The following TMEM169 variants were observed in gnomAD, a reference collection of about 807,000 sequenced individuals.
TMEM169 encodes transmembrane protein 169.
A neutral mutation model predicts 27.3 loss-of-function variants in TMEM169; 18 were observed. That is an observed-to-expected ratio of 0.66 (90% CI 0.46 to 0.98). The LOEUF (loss-of-function observed/expected upper bound fraction) is 0.98, where lower values mean the gene tolerates loss of function less well. TMEM169 is among the 50% of genes least tolerant of loss of function. TMEM169 has a pLI of 0.00. For synonymous variants in TMEM169, 136 were observed against 142.1 expected, an observed-to-expected ratio of 0.96 and a Z score of 0.30; for missense variants, 320 against 368.6, an observed-to-expected ratio of 0.87 and a Z score of 1.08.
intron 1 of TMEM169, among the ~76,000 whole-genome samples, chr2:216,088,489 ATTG>A (rs1293470555): frequency 6.6e-6 from 1 of 152,200 alleles, no homozygotes. Context: ...ACAGACAAAA[ATTG>A]TTGTACCTAG....
chr2:216,088,199 C>T (rs561422740), intron 1 of TMEM169, among the ~76,000 whole-genome samples: 12 of 151,626 alleles, frequency 7.9e-5, no homozygotes, highest in African/African-American at 2.9e-4. Context: ...GTGGCTCACG[C>T]CTGTAATCCC....
chr2:216,084,308 A>G (rs1471037216), intron 1 of TMEM169, among the ~76,000 whole-genome samples: 1 of 152,180 alleles, frequency 6.6e-6, no homozygotes, highest in South Asian at 2.1e-4. Context: ...TCAGTGAAGC[A>G]TCTGGTCCTG....
rs777874573 is a variant in TMEM169, at chr2:216,100,594, T to C, written c.*52T>C. 4 of 1,608,570 alleles carry C rather than the reference T, an allele frequency of 2.5e-6. No homozygotes were observed. The highest frequency in any genetic ancestry group is 1.7e-5 in the Admixed American group (1 of 59,846). Reference sequence around the variant, plus strand: ...GGCCCCAGTAGCCTATATATCATCTTAAAATTCCAGCAGATTATTTCTTTA... The same window carrying C: ...GGCCCCAGTAGCCTATATATCATCTCAAAATTCCAGCAGATTATTTCTTTA... On this transcript the variant is annotated 3_prime_UTR_variant, in exon 3 of 3. Coordinates refer to ENST00000437356, the MANE Select transcript of TMEM169 (RefSeq NM_001142311.2).
At chr2:216,092,513 C>T (rs1304401980) in intron 1 of TMEM169, among the ~76,000 whole-genome samples, 1 of 152,128 alleles carries the variant, frequency 6.6e-6, no homozygotes, top group African/African-American at 2.4e-5. Flanking sequence ...TCACTTTGCC[C>T]TGCCACATCT....
At chr2:216,094,872 G>T (rs945862646) in intron 1 of TMEM169, among the ~76,000 whole-genome samples, 1 of 152,128 alleles carries the variant, frequency 6.6e-6, no homozygotes, top group Non-Finnish European at 1.5e-5. Flanking sequence ...CCTCTCCACC[G>T]CTCTTGCAGC....
rs1696390073 is a variant in TMEM169 at position 216,101,352 on chromosome 2, T to C, written c.*810T>C. The C allele has an allele frequency of 6.6e-6, 1 of 152,320 alleles. No homozygotes were observed. Among genetic ancestry groups the C allele is most frequent in the Non-Finnish European group, 1.5e-5 (1 of 68,092 alleles). The allele number at this position is 152,320 out of a possible 1,614,324, so 9.4% of individuals were successfully genotyped here. On this transcript the variant is annotated 3_prime_UTR_variant, in exon 3 of 3. Transcript: ENST00000437356. ...TCTCATTGGCAAGACCTCAGTCACA[T>C]GATGTCATGAGCAAAAGAGGCTGGA... is the stretch of plus-strand genomic sequence containing the variant.
intron 1 of TMEM169, among the ~76,000 whole-genome samples, chr2:216,090,320 G>A (rs1015601233): frequency 1.1e-4 from 16 of 152,160 alleles, no homozygotes; most frequent in African/African-American, 2.9e-4. Flanking sequence ...AGTTGGGGTG[G>A]TCAAAGAAAA....
At chr2:216,098,213 T>G (rs1016748491) in intron 2 of TMEM169, among the ~76,000 whole-genome samples, 1 of 152,212 alleles carries the variant, frequency 6.6e-6, no homozygotes, top group Non-Finnish European at 1.5e-5. Context: ...AAGATCACTC[T>G]GGCTTCTCTA....
chr2:216,095,688 A>G (rs1189102788), intron 1 of TMEM169, 150 bp from the exon 2 acceptor site: 1 of 377,184 alleles, frequency 2.7e-6, no homozygotes, highest in Non-Finnish European at 4.8e-6. Context: ...ACTGTCTATT[A>G]TAAGAGATTT....
chr2:216,095,866 A>T lies in TMEM169; in HGVS notation c.-98A>T. ...GAATGCATCCTTGGGACATCTTTGC[A>T]TAGCCCCATCTAGGAAGAAGTTCTG... On this transcript the variant is annotated 5_prime_UTR_variant, in exon 2 of 3. Coordinates refer to ENST00000437356, the MANE Select transcript of TMEM169 (RefSeq NM_001142311.2). 2 of 1,408,212 alleles carry T rather than the reference A, an allele frequency of 1.4e-6. No homozygotes were observed. The highest frequency in any genetic ancestry group is 1.9e-6 in the Non-Finnish European group (2 of 1,044,954). 87.2% of individuals were successfully genotyped at this position (1,408,212 alleles called of 1,614,324 possible). A position where few individuals can be genotyped will look rare whatever the true frequency, so the allele number is the denominator to read the frequency against.
intron 1 of TMEM169, among the ~76,000 whole-genome samples, chr2:216,092,320 A>G (rs1696152419): frequency 6.6e-6 from 1 of 152,096 alleles, no homozygotes; most frequent in African/African-American, 2.4e-5. Flanking sequence ...GCCCAACCAA[A>G]TCAAGAGTGT....
At chr2:216,091,578 A>G (rs10188727) in intron 1 of TMEM169, among the ~76,000 whole-genome samples, 17,357 of 109,972 alleles carry the variant, frequency 0.16, 1,266 homozygotes, top group South Asian at 0.18. Flanking sequence ...AAAAAAAAAA[A>G]AGAGAGAGAC....
chr2:216,092,161 C>T (rs1277708088), intron 1 of TMEM169, among the ~76,000 whole-genome samples: 1 of 152,084 alleles, frequency 6.6e-6, no homozygotes, highest in Non-Finnish European at 1.5e-5. Context: ...AGGATTGTCC[C>T]TCTCCTCCAT....
chr2:216,099,629 C>G lies in TMEM169; in HGVS notation c.272-291C>G, dbSNP rs1574439398. Among the ~76,000 whole-genome samples, 1 of 152,072 alleles carries G rather than the reference C, an allele frequency of 6.6e-6. No homozygotes were observed. Among genetic ancestry groups the G allele is most frequent in the Non-Finnish European group, 1.5e-5 (1 of 68,012 alleles). ...ACTCCTCCGTGCCACAGAGATTGTG[C>G]CAAGATTGAGGCCCCAAAAAGCGGA... On this transcript the variant is annotated intron_variant, in intron 2 of 2. Transcript: ENST00000437356. This position sits in a 1 kb window ranked among gnomAD's most constrained non-coding sequence, Gnocchi z 5.0.
At chr2:216,092,682 C>A (rs1420525084) in intron 1 of TMEM169, among the ~76,000 whole-genome samples, 3 of 152,196 alleles carry the variant, frequency 2.0e-5, no homozygotes, top group South Asian at 2.1e-4. Context: ...AGAACATAAA[C>A]CTTCTCCCAG....
At chr2:216,095,473 T>G (rs750568952) in intron 1 of TMEM169, among the ~76,000 whole-genome samples, 5 of 152,172 alleles carry the variant, frequency 3.3e-5, no homozygotes, top group African/African-American at 7.2e-5. Flanking sequence ...AGAGGCTGAT[T>G]TATACACAAA....
Position 216,095,949 on chromosome 2 carries a change from G to T in TMEM169, c.-15G>T. ...TCCAACTCTTTATAAGACATAGGTA[G>T]ACGTCAGGTCTGGAATGGAAGAGCC... On this transcript the variant is annotated 5_prime_UTR_variant, in exon 2 of 3. Transcript: ENST00000437356. The T allele has an allele frequency of 6.2e-7, 1 of 1,608,376 alleles. No individual in the cohort carries two copies.
chr2:216,085,127 C>A (rs1049880648), intron 1 of TMEM169, among the ~76,000 whole-genome samples: 4 of 152,160 alleles, frequency 2.6e-5, no homozygotes, highest in African/African-American at 9.7e-5. Context: ...GAAGCTGAGA[C>A]GACAGGTGCG....
chr2:216,085,748 GTAA>G lies in TMEM169; in HGVS notation c.-127+3771_-127+3773del, dbSNP rs1261620163. Among the ~76,000 whole-genome samples the G allele has an allele frequency of 2.0e-5, 3 of 152,136 alleles. No homozygotes were observed. The East Asian group carries it at 5.9e-4, about 30-fold the overall frequency. ...TAACTGGGCATGGTTGTGCATGCCT[GTAA>G]TCCCAGCTTCTCAGAAGGCTGAGGC... On this transcript the variant is annotated intron_variant, in intron 1 of 2. Coordinates refer to ENST00000437356, the MANE Select transcript of TMEM169 (RefSeq NM_001142311.2).
Sources: gnomAD v4.1 joint callset for allele counts (sites outside exome capture counted in the v4.1 genomes callset) on GRCh38, gnomAD v4.1.1 for gene constraint, Gnocchi (gnomAD v3.1) non-coding constraint, MANE v1.5 for transcripts, NCBI Gene and HGNC (gene_info 2026-07-23, HGNC 2026-07-21) for gene names.